ARID4B: variants seen among roughly 807,000 people sequenced by gnomAD.
ARID4B encodes the protein AT-rich interactive domain-containing protein 4B.
A neutral mutation model predicts 147.5 loss-of-function variants in ARID4B; 26 were observed. The ratio of observed to expected loss-of-function variants is 0.18; its 90% CI spans 0.13 to 0.24. ARID4B has a LOEUF of 0.24. Ranked by LOEUF, ARID4B falls within the 10% of genes least tolerant of loss-of-function variation. The probability of loss-of-function intolerance (pLI) is 1.00; values close to 1 mark genes in which losing one functional copy is unlikely to be tolerated. For missense variants in ARID4B, 1,179 were observed against 1,511.5 expected (o/e 0.78, Z 3.65); for synonymous variants, 512 against 507.9 (o/e 1.01, Z -0.11).
intron 22 of ARID4B, among the ~76,000 whole-genome samples, chr1:235,173,841 CT>C (rs1205590941): frequency 1.3e-4 from 9 of 68,548 alleles, no homozygotes; most frequent in South Asian, 6.0e-4. Flanking sequence ...ATATATATAC[CT>C]TTTTTTAAAT....
chr1:235,211,062 G>A (rs1464591411), intron 17 of ARID4B, among the ~76,000 whole-genome samples: 4 of 152,154 alleles, frequency 2.6e-5, no homozygotes, highest in Admixed American at 1.3e-4. Flanking sequence ...GGCCGGGCAC[G>A]GTGGCTCATG....
At chr1:235,319,192 T>G (rs1425732377) in intron 2 of ARID4B, among the ~76,000 whole-genome samples, 1 of 152,208 alleles carries the variant, frequency 6.6e-6, no homozygotes, top group East Asian at 1.9e-4. Flanking sequence ...CACAAACTTG[T>G]GAAAATACTA....
At chr1:235,255,526 G>A in intron 5 of ARID4B, 134 bp downstream of exon 5, 2 of 553,480 alleles carry the variant, frequency 3.6e-6, no homozygotes, top group Non-Finnish European at 6.1e-6. Context: ...TAAAAGATGT[G>A]GAAAGATAAA....
At chr1:235,225,963 C>G (rs1667802149) in intron 11 of ARID4B, among the ~76,000 whole-genome samples, 1 of 152,142 alleles carries the variant, frequency 6.6e-6, no homozygotes, top group African/African-American at 2.4e-5. Flanking sequence ...ACACTCCATA[C>G]ATTCAGGTTT....
Position 235,213,969 on chromosome 1 carries a change from C to T in ARID4B, c.1641G>A (p.Glu547=). 1 of 1,589,250 alleles carries T rather than the reference C, an allele frequency of 6.3e-7. No individual in the cohort carries two copies. The highest frequency in any genetic ancestry group is 8.6e-7 in the Non-Finnish European group (1 of 1,157,652). ...CTTCATCCTCTTCTTCTTCTTCCTC[C>T]TCCTCCTCCTCTTCTGCTTCTTCAT... ...EDDEEAEEEE[E]EEEEEEDEDD... is the part of the protein sequence containing the mutation. The change falls in exon 17 of 24, where the codon GAG becomes GAA. Residue 547 remains glutamate, a synonymous_variant. Transcript: ENST00000264183.
At chr1:235,271,406 GA>G (rs1558265716) in intron 2 of ARID4B, among the ~76,000 whole-genome samples, 1 of 151,940 alleles carries the variant, frequency 6.6e-6, no homozygotes, top group African/African-American at 2.4e-5. Flanking sequence ...GAGACAGGCG[GA>G]TCATCTGCAG....
intron 2 of ARID4B, among the ~76,000 whole-genome samples, chr1:235,325,076 G>A (rs1036748121): frequency 1.3e-5 from 2 of 152,114 alleles, no homozygotes; most frequent in African/African-American, 4.8e-5. Context: ...AAATAAAGTT[G>A]TAAGAAATAA....
intron 2 of ARID4B, among the ~76,000 whole-genome samples, chr1:235,305,490 G>A (rs779938871): frequency 1.3e-5 from 2 of 152,158 alleles, no homozygotes; most frequent in Non-Finnish European, 2.9e-5. Flanking sequence ...GGCAGAAACA[G>A]CATTAATATT....
intron 2 of ARID4B, among the ~76,000 whole-genome samples, chr1:235,315,050 A>G (rs1674333475): frequency 6.6e-6 from 1 of 152,200 alleles, no homozygotes; most frequent in African/African-American, 2.4e-5. Context: ...CAGATATTCT[A>G]GTTGTCACAT....
intron 2 of ARID4B, among the ~76,000 whole-genome samples, chr1:235,324,993 T>C (rs1396433020): frequency 6.6e-6 from 1 of 152,176 alleles, no homozygotes; most frequent in Non-Finnish European, 1.5e-5. Context: ...CAACATTAAA[T>C]AGATTCTGAA....
At chr1:235,210,450 C>T (rs1490750820) in intron 17 of ARID4B, among the ~76,000 whole-genome samples, 4 of 151,992 alleles carry the variant, frequency 2.6e-5, no homozygotes, top group Admixed American at 6.6e-5. Flanking sequence ...AATTGTCATA[C>T]AGCTGATGAG....
intron 2 of ARID4B, among the ~76,000 whole-genome samples, chr1:235,286,546 A>T (rs1671986254): frequency 6.6e-6 from 1 of 152,232 alleles, no homozygotes; most frequent in Admixed American, 6.5e-5. Flanking sequence ...TCAGAGAAGG[A>T]TACCTGAAGG....
chr1:235,216,750 T>G (rs1040849580), intron 16 of ARID4B, among the ~76,000 whole-genome samples: 2 of 151,964 alleles, frequency 1.3e-5, no homozygotes, highest in Non-Finnish European at 2.9e-5. Flanking sequence ...GGATTATCAA[T>G]GATAAATTAT....
At chr1:235,311,924 T>C (rs1337492707) in intron 2 of ARID4B, among the ~76,000 whole-genome samples, 1 of 152,136 alleles carries the variant, frequency 6.6e-6, no homozygotes, top group Non-Finnish European at 1.5e-5. Flanking sequence ...TGAATGCAAA[T>C]AAAATCTTAC....
At chr1:235,222,678 C>CT (rs35090143) in intron 13 of ARID4B, among the ~76,000 whole-genome samples, 59,250 of 130,758 alleles carry the variant, frequency 0.45, 13,636 homozygotes, top group South Asian at 0.61. Flanking sequence ...GAAAAAAAAT[C>CT]TTTTTTTTTT....
intron 6 of ARID4B, among the ~76,000 whole-genome samples, chr1:235,250,642 G>T (rs1167111849): frequency 6.6e-6 from 1 of 152,094 alleles, no homozygotes; most frequent in African/African-American, 2.4e-5. Flanking sequence ...CTTAACCTTT[G>T]TCCCGGTACC....
chr1:235,229,459 T>A, intron 10 of ARID4B, 74 bp from the exon 11 acceptor site: 1 of 1,072,686 alleles, frequency 9.3e-7, no homozygotes, highest in Non-Finnish European at 1.4e-6. Context: ...TTAAACACGA[T>A]AAAGAAATAA....
chr1:235,218,758 A>T (rs1180939871), intron 16 of ARID4B, among the ~76,000 whole-genome samples: 1 of 152,188 alleles, frequency 6.6e-6, no homozygotes, highest in African/African-American at 2.4e-5. Context: ...CAAAAATACA[A>T]CAAAGTATAA....
At chr1:235,291,488 G>C (rs1234481365) in intron 2 of ARID4B, among the ~76,000 whole-genome samples, 1 of 151,596 alleles carries the variant, frequency 6.6e-6, no homozygotes, top group Non-Finnish European at 1.5e-5. Flanking sequence ...TTTACACTTA[G>C]AATGGTTTAA....
Sources: gnomAD v4.1 joint callset for allele counts (sites outside exome capture counted in the v4.1 genomes callset) on GRCh38, gnomAD v4.1.1 for gene constraint, MANE v1.5 for transcripts, NCBI Gene and HGNC (gene_info 2026-07-23, HGNC 2026-07-21) for gene names.